The following EIF2D variants were observed in gnomAD, a reference collection of about 807,000 sequenced individuals.
EIF2D encodes hepatocellular carcinoma-associated antigen 56.
A neutral mutation model predicts 77.4 loss-of-function variants in EIF2D; 56 were observed. The observed-to-expected ratio is 0.72, with a 90% CI of 0.58 to 0.90. The LOEUF (loss-of-function observed/expected upper bound fraction) is 0.90. Ranked by LOEUF, EIF2D falls within the 40% of genes least tolerant of loss-of-function variation. EIF2D has a pLI of 0.00. For synonymous variants in EIF2D, 230 were observed against 271.0 expected (o/e 0.85, Z 1.49); for missense variants, 574 against 706.5 (o/e 0.81, Z 2.13).
intron 11 of EIF2D, among the ~76,000 whole-genome samples, chr1:206,597,760 C>G (rs1669722618): frequency 1.3e-5 from 2 of 152,082 alleles, no homozygotes; most frequent in Non-Finnish European, 2.9e-5. Context: ...GCCTGGCCAA[C>G]ATGGTGAAAC....
At chr1:206,589,082 C>G (rs569347839), downstream of EIF2D, 1 of 152,900 alleles carries the variant, frequency 6.5e-6, no homozygotes, top group South Asian at 2.1e-4. Flanking sequence ...AAGGCCTATG[C>G]TGAGGTCTAA....
intron 7 of EIF2D, 72 bp from the exon 8 acceptor site, chr1:206,600,380 G>A: frequency 6.9e-7 from 1 of 1,444,746 alleles, no homozygotes; most frequent in South Asian, 1.2e-5. Flanking sequence ...ACTGAGAGGA[G>A]GGCCTTTTTC....
Position 206,584,305 on chromosome 1 carries a change from G to A in EIF2D, c.139-3143C>T. On this transcript the variant is annotated intron_variant and NMD_transcript_variant, in intron 2 of 5. Transcript: ENST00000472709. This position sits in a 1 kb window ranked among gnomAD's most constrained non-coding sequence, Gnocchi z 4.9. ...GAACTCAAGGAGACAGGTGGGTGCTGCTGGGGCAATGGCCCCGAGTGGCAG... is the reference window on the plus strand; with the variant it reads ...GAACTCAAGGAGACAGGTGGGTGCTACTGGGGCAATGGCCCCGAGTGGCAG... The A allele has an allele frequency of 1.5e-6, 2 of 1,378,138 alleles. No individual in the cohort carries two copies. The highest frequency in any genetic ancestry group is 2.4e-5 in the East Asian group (1 of 41,968). 85.4% of individuals were successfully genotyped at this position (1,378,138 alleles called of 1,614,324 possible).
intron 2 of EIF2D, chr1:206,582,980 T>C: frequency 3.5e-6 from 1 of 285,022 alleles, no homozygotes; most frequent in South Asian, 4.0e-5. Flanking sequence ...CCAGACGCTT[T>C]CACACTAATC....
intron 2 of EIF2D, chr1:206,583,419 C>G: frequency 7.1e-7 from 1 of 1,406,830 alleles, no homozygotes; most frequent in Non-Finnish European, 1.0e-6. Context: ...CCTGCTCCAC[C>G]ACCCGCTTCG....
intron 4 of EIF2D, among the ~76,000 whole-genome samples, chr1:206,574,537 G>C (rs1338295467): frequency 1.3e-5 from 2 of 152,022 alleles, no homozygotes; most frequent in African/African-American, 4.8e-5. Flanking sequence ...TTTTCCCTCT[G>C]CTCTGTTAAT....
intron 2 of EIF2D, among the ~76,000 whole-genome samples, chr1:206,581,340 G>A (rs1174752017): frequency 3.9e-5 from 6 of 152,166 alleles, no homozygotes; most frequent in Admixed American, 3.9e-4. Flanking sequence ...GCTCACACCT[G>A]TAATGCCAGC....
intron 5 of EIF2D, 48 bp downstream of exon 5, chr1:206,605,352 C>T: frequency 1.3e-6 from 2 of 1,507,124 alleles, no homozygotes; most frequent in Non-Finnish European, 1.8e-6. Flanking sequence ...CCCATCCTCT[C>T]CCCAGCTGCC....
At chr1:206,593,506 A>AGTGTGTGTGTGCGTGTGTGTGTGTGT (rs1286437460) in intron 14 of EIF2D, 113 bp downstream of exon 14, 48 of 442,712 alleles carry the variant, frequency 1.1e-4, no homozygotes, top group Admixed American at 1.8e-4. Context: ...AGAGAGAGAG[A>AGTGTGTGTGTGCGTGTGTGTGTGTGT]GAGTGTGTGT....
intron 4 of EIF2D, among the ~76,000 whole-genome samples, chr1:206,576,186 G>C (rs782540028): frequency 6.6e-6 from 1 of 152,260 alleles, no homozygotes; most frequent in African/African-American, 2.4e-5. Flanking sequence ...TTAGATGCCA[G>C]CTGTAGCCAC....
In EIF2D at chr1:206,599,535, T is replaced by C. The variant is rs782589702; in HGVS notation, c.1130A>G (p.His377Arg). The C allele has an allele frequency of 6.2e-7, 1 of 1,612,250 alleles. No individual in the cohort carries two copies. Among genetic ancestry groups the C allele is most frequent in the Non-Finnish European group, 8.5e-7 (1 of 1,179,118 alleles). The change falls in exon 10 of 15, where the codon CAC (histidine) becomes CGC (arginine). Residue 377 changes from histidine to arginine, a missense_variant. Transcript: ENST00000271764. This position sits in a 1 kb window ranked among gnomAD's most constrained non-coding sequence, Gnocchi z 4.1. Reference sequence around the variant, plus strand: ...GTAGAGGGGTTTTATATCTGGAGGGTGATAGGGCTGTTCCCTGCTACCCTC... The same window carrying C: ...GTAGAGGGGTTTTATATCTGGAGGGCGATAGGGCTGTTCCCTGCTACCCTC... ...IQEGSREQPY[H>R]PPDIKPLYCV...
chr1:206,586,762 C>A, downstream of EIF2D: 3 of 1,279,242 alleles, frequency 2.3e-6, no homozygotes, highest in South Asian at 1.3e-5. Context: ...TCTCTCAGGT[C>A]GTGTCAACTT....
At chr1:206,577,856 A>C (rs1668712401) in intron 4 of EIF2D, among the ~76,000 whole-genome samples, 1 of 152,224 alleles carries the variant, frequency 6.6e-6, no homozygotes, top group Admixed American at 6.5e-5. Context: ...AACAAATTGA[A>C]GTATGATGTA....
downstream of EIF2D, among the ~76,000 whole-genome samples, chr1:206,589,710 A>C (rs181917466): frequency 1.1e-3 from 171 of 152,370 alleles, no homozygotes; most frequent in African/African-American, 3.9e-3. Flanking sequence ...AGGGGGCTAG[A>C]TCAAATGACC....
chr1:206,576,923 C>A (rs565722073), intron 4 of EIF2D, among the ~76,000 whole-genome samples: 1 of 152,226 alleles, frequency 6.6e-6, no homozygotes, highest in East Asian at 1.9e-4. Flanking sequence ...CCCACCTCAG[C>A]CTCCTGAGTA....
chr1:206,602,734 T>A lies in EIF2D; in HGVS notation c.784+217A>T, dbSNP rs1462402200. 8.2e-6 allele frequency: 6 copies of A among 729,856 alleles called. No homozygotes were observed. The East Asian group carries it at 1.6e-4, about 20-fold the overall frequency. The allele number at this position is 729,856 out of a possible 1,614,324, so 45.2% of individuals were successfully genotyped here. A position where few individuals can be genotyped will look rare whatever the true frequency, so the allele number is the denominator to read the frequency against. ...GGCTTTGTAGCTGAAGACAGGCAAATGCCAGGGCAGATTAGCTCCCAGGAA... is the reference window on the plus strand; with the variant it reads ...GGCTTTGTAGCTGAAGACAGGCAAAAGCCAGGGCAGATTAGCTCCCAGGAA... On this transcript the variant is annotated intron_variant, in intron 6 of 14. Coordinates refer to ENST00000271764, the MANE Select transcript of EIF2D (RefSeq NM_006893.3).
At chr1:206,573,746 G>A (rs898847513) in intron 4 of EIF2D, among the ~76,000 whole-genome samples, 1 of 152,248 alleles carries the variant, frequency 6.6e-6, no homozygotes, top group Non-Finnish European at 1.5e-5. Flanking sequence ...AGTGGCTCAC[G>A]CCTGTAATCC....
rs781998028 is a variant in EIF2D at position 206,595,802 on chromosome 1, G to C, written c.1425C>G (p.Thr475=). ...LEKLQPAYQV[T]LPGQEPIVKK... Reference sequence around the variant, plus strand: ...TCACAATGGGCTCTTGTCCGGGAAGGGTCACTTGATAGGCAGGCTGTAATT... The same window carrying C: ...TCACAATGGGCTCTTGTCCGGGAAGCGTCACTTGATAGGCAGGCTGTAATT... The change falls in exon 13 of 15, where the codon ACC becomes ACG. Residue 475 remains threonine (T), a synonymous_variant. Coordinates refer to ENST00000271764, the MANE Select transcript of EIF2D (RefSeq NM_006893.3). The C allele has an allele frequency of 5.0e-6, 8 of 1,614,086 alleles. No individual in the cohort carries two copies. Among genetic ancestry groups the C allele is most frequent in the Non-Finnish European group, 6.8e-6 (8 of 1,179,948 alleles).
Position 206,599,117 on chromosome 1 carries a change from GGTTA to G in EIF2D, c.1203-29_1203-26del, listed in dbSNP as rs1669796120. ...CCTAGGTGAGGAGAAGTGACCCAGG[GGTTA>G]GTTCATGCTGTGCCATGAGACAAAA... On this transcript the variant is annotated intron_variant, in intron 10 of 14. Coordinates refer to ENST00000271764, the MANE Select transcript of EIF2D (RefSeq NM_006893.3). This position sits in a 1 kb window ranked among gnomAD's most constrained non-coding sequence, Gnocchi z 4.1. 1 of 1,609,638 alleles carries G rather than the reference GGTTA, an allele frequency of 6.2e-7. No homozygotes were observed. The highest frequency in any genetic ancestry group is 2.2e-5 in the East Asian group (1 of 44,842).
Sources: allele counts gnomAD v4.1 joint callset (sites outside exome capture counted in the v4.1 genomes callset), GRCh38; gene constraint gnomAD v4.1.1; non-coding constraint Gnocchi (gnomAD v3.1); transcripts MANE v1.5; gene names NCBI Gene and HGNC (gene_info 2026-07-23, HGNC 2026-07-21).